The following MAD1L1 variants were observed in gnomAD, a reference collection of about 807,000 sequenced individuals.
MAD1L1 encodes mitotic spindle assembly checkpoint protein MAD1.
A neutral mutation model predicts 96.9 loss-of-function variants in MAD1L1; 95 were observed. The ratio of observed to expected loss-of-function variants is 0.98; its 90% CI spans 0.83 to 1.16. The LOEUF (loss-of-function observed/expected upper bound fraction) is 1.16, where lower values mean the gene tolerates loss of function less well. MAD1L1 is among the 50% of genes most tolerant of loss of function. The pLI, the probability that MAD1L1 is intolerant of heterozygous loss-of-function variation, is 0.00. For synonymous variants in MAD1L1, 473 were observed against 396.6 expected, an observed-to-expected ratio of 1.19 and a Z score of -2.29; for missense variants, 1,007 against 954.4, an observed-to-expected ratio of 1.06 and a Z score of -0.73.
At chr7:2,183,304 C>T (rs1433660948) in intron 10 of MAD1L1, among the ~76,000 whole-genome samples, 1 of 151,370 alleles carries the variant, frequency 6.6e-6, no homozygotes, top group Non-Finnish European at 1.5e-5. Flanking sequence ...AAGCCACAGA[C>T]AGGGCAAAAA....
At chr7:2,101,918 T>TGCACAC (rs1202793111) in intron 11 of MAD1L1, among the ~76,000 whole-genome samples, 1 of 152,048 alleles carries the variant, frequency 6.6e-6, no homozygotes, top group African/African-American at 2.4e-5. Context: ...TGCAGTCCAG[T>TGCACAC]GCACACAGGG....
rs1048448422 is a variant in MAD1L1, at chr7:2,145,298, C to A, written c.1073+3854G>T. 3.3e-5 allele frequency among the ~76,000 whole-genome samples: 5 copies of A among 152,248 alleles called. No individual in the cohort carries two copies. In the East Asian group the frequency reaches 9.6e-4, roughly 29 times the overall value. On this transcript the variant is annotated intron_variant, in intron 11 of 18. Coordinates refer to ENST00000265854, the MANE Select transcript of MAD1L1 (RefSeq NM_001013836.2). ...AGCACCTGAGCAAACCCGCATAAAG[C>A]TAACAAGCAGGCTCCTCGCAACCCT...
chr7:1,931,011 G>A (rs539658147), intron 17 of MAD1L1, among the ~76,000 whole-genome samples: 54 of 151,064 alleles, frequency 3.6e-4, no homozygotes, highest in African/African-American at 9.1e-4. Context: ...GAGCGAGGGC[G>A]CGTCGTGGGG....
At chr7:2,160,785 C>A (rs993526993) in intron 10 of MAD1L1, among the ~76,000 whole-genome samples, 3 of 152,098 alleles carry the variant, frequency 2.0e-5, no homozygotes, top group Non-Finnish European at 4.4e-5. Flanking sequence ...GGGCTAGCCA[C>A]TGGATACTTT....
rs1433250169 is a variant in MAD1L1, at chr7:1,980,302, C to A, written c.1505+151G>T. On this transcript the variant is annotated intron_variant, in intron 15 of 18. Transcript: ENST00000265854. ...CACCTGAGCACGTCCGCCTCTTCCT[C>A]CGTGGGACACACCTGGGCGTATCCG... 11 of 654,662 alleles carry A rather than the reference C, an allele frequency of 1.7e-5. No homozygotes were observed. In the Admixed American group the frequency reaches 1.9e-4, roughly 12 times the overall value. The allele number at this position is 654,662 out of a possible 1,614,324, so 40.6% of individuals were successfully genotyped here.
intron 10 of MAD1L1, among the ~76,000 whole-genome samples, chr7:2,166,091 C>A (rs1790415610): frequency 6.6e-6 from 1 of 152,212 alleles, no homozygotes; most frequent in African/African-American, 2.4e-5. Flanking sequence ...CAAGAACAGG[C>A]CGCCAGCAGC....
chr7:2,079,258 G>A (rs535297634), intron 11 of MAD1L1, among the ~76,000 whole-genome samples: 1 of 152,318 alleles, frequency 6.6e-6, no homozygotes, highest in East Asian at 1.9e-4. Context: ...CGAGAGGGCA[G>A]GTGCCCCAGG....
chr7:2,075,662 T>G (rs1253634926), intron 11 of MAD1L1, among the ~76,000 whole-genome samples: 2 of 152,216 alleles, frequency 1.3e-5, no homozygotes, highest in Admixed American at 1.3e-4. Context: ...CCATCTGCGC[T>G]GTGACCAGCC....
At chr7:2,134,592 G>A (rs1269234367) in intron 11 of MAD1L1, among the ~76,000 whole-genome samples, 3 of 152,156 alleles carry the variant, frequency 2.0e-5, no homozygotes, top group Non-Finnish European at 4.4e-5. Context: ...GTTTTAAGAC[G>A]GAAATAGTTG....
chr7:1,872,363 G>A (rs910227362), intron 18 of MAD1L1, among the ~76,000 whole-genome samples: 2 of 152,144 alleles, frequency 1.3e-5, no homozygotes, highest in Non-Finnish European at 2.9e-5. Flanking sequence ...CCTGGTCCAG[G>A]TGCACCAGGC....
At chr7:1,895,096 G>A (rs1786784297) in intron 18 of MAD1L1, among the ~76,000 whole-genome samples, 1 of 152,224 alleles carries the variant, frequency 6.6e-6, no homozygotes, top group Non-Finnish European at 1.5e-5. Context: ...AGGGCTTCCT[G>A]GAGAAGGTGT....
At chr7:2,067,427 C>T (rs1018773408) in intron 12 of MAD1L1, among the ~76,000 whole-genome samples, 3 of 152,206 alleles carry the variant, frequency 2.0e-5, no homozygotes, top group Non-Finnish European at 4.4e-5. Context: ...CCCCAGGAAG[C>T]TCTGAGCTTC....
At chr7:2,042,264 C>T (rs558065918) in intron 12 of MAD1L1, among the ~76,000 whole-genome samples, 2 of 148,856 alleles carry the variant, frequency 1.3e-5, no homozygotes, top group East Asian at 3.9e-4. Flanking sequence ...CACACATACG[C>T]ACATGCACAC....
intron 18 of MAD1L1, among the ~76,000 whole-genome samples, chr7:1,828,809 T>A (rs1185756319): frequency 6.6e-6 from 1 of 152,074 alleles, no homozygotes; most frequent in Non-Finnish European, 1.5e-5. Flanking sequence ...TGACCTGACG[T>A]CAGAAGCGGC....
At chr7:2,045,226 G>A (rs533896238) in intron 12 of MAD1L1, among the ~76,000 whole-genome samples, 1 of 152,214 alleles carries the variant, frequency 6.6e-6, no homozygotes, top group East Asian at 1.9e-4. Flanking sequence ...GTGAATCCCT[G>A]TAAGAGTCCC....
At chr7:2,144,071 G>A (rs1789173751) in intron 11 of MAD1L1, among the ~76,000 whole-genome samples, 1 of 152,208 alleles carries the variant, frequency 6.6e-6, no homozygotes, top group Non-Finnish European at 1.5e-5. Flanking sequence ...TGTCCCACAG[G>A]GACCCAGGAG....
chr7:1,863,136 G>C (rs1338629880), intron 18 of MAD1L1, among the ~76,000 whole-genome samples: 1 of 152,266 alleles, frequency 6.6e-6, no homozygotes, highest in Non-Finnish European at 1.5e-5. Flanking sequence ...CCGCAAGCCA[G>C]GTGGCGTCCA....
intron 11 of MAD1L1, among the ~76,000 whole-genome samples, chr7:2,129,859 A>C (rs1219650772): frequency 6.6e-6 from 1 of 152,216 alleles, no homozygotes; most frequent in East Asian, 1.9e-4. Flanking sequence ...TCGGAGGGGC[A>C]CACAGGCAGG....
intron 12 of MAD1L1, among the ~76,000 whole-genome samples, chr7:2,017,282 C>T (rs1044233269): frequency 5.9e-5 from 9 of 152,214 alleles, no homozygotes; most frequent in African/African-American, 1.4e-4. Context: ...GCAGTGCTGA[C>T]GGGGGCGTCC....
Sources: gnomAD v4.1 joint callset for allele counts (sites outside exome capture counted in the v4.1 genomes callset) on GRCh38, gnomAD v4.1.1 for gene constraint, MANE v1.5 for transcripts, NCBI Gene and HGNC (gene_info 2026-07-23, HGNC 2026-07-21) for gene names.